Variants in USP32 observed in about 807,000 individuals in gnomAD.
USP32 encodes ubiquitin carboxyl-terminal hydrolase 32.
Under a neutral mutation model 204.8 loss-of-function variants are expected in USP32, and 59 were observed. That is an observed-to-expected ratio of 0.29 (90% CI 0.23 to 0.36). USP32 has a LOEUF of 0.36. USP32 is among the 10% of genes least tolerant of loss of function. The probability of loss-of-function intolerance (pLI) is 1.00; values close to 1 mark genes in which losing one functional copy is unlikely to be tolerated. For synonymous variants in USP32, 517 were observed against 678.4 expected (o/e 0.76, Z 3.70); for missense variants, 1,160 against 1,946.4 (o/e 0.60, Z 7.60).
chr17:60,227,246 G>A (rs111369805), intron 12 of USP32, among the ~76,000 whole-genome samples: 1 of 150,376 alleles, frequency 6.6e-6, no homozygotes, highest in Admixed American at 6.6e-5. Flanking sequence ...TCTGGCAAGC[G>A]ACACTAGTTT....
intron 1 of USP32, among the ~76,000 whole-genome samples, chr17:60,390,949 CTG>C (rs1567892737): frequency 1.3e-5 from 2 of 152,200 alleles, no homozygotes; most frequent in African/African-American, 2.4e-5. Context: ...CGGCCATAAA[CTG>C]TGCAACAAGA....
chr17:60,384,517 C>T (rs886736666), intron 1 of USP32, among the ~76,000 whole-genome samples: 26 of 152,178 alleles, frequency 1.7e-4, no homozygotes, highest in Admixed American at 1.4e-3. Flanking sequence ...CTAGGCCAGG[C>T]ACGGTGGCTC....
Position 60,192,889 on chromosome 17 carries a change from A to G in USP32, c.3476T>C (p.Val1159Ala). The G allele has an allele frequency of 6.2e-7, 1 of 1,613,980 alleles. No individual in the cohort carries two copies. Among genetic ancestry groups the G allele is most frequent in the South Asian group, 1.1e-5 (1 of 91,082 alleles). ...MGYQYPFTLR[V>A]VQKDGNSCAW... ...ACAGGAGTTCCCATCTTTCTGCACA[A>G]CTCGTAGAGTGAATGGATATTGATA... Residue 1159 changes from valine to alanine, a missense_variant, in exon 28 of 34, where the codon GTT (valine) becomes GCT (alanine). Val to Ala is a moderately conservative substitution (Grantham distance 64). Coordinates refer to ENST00000300896, the MANE Select transcript of USP32 (RefSeq NM_032582.4).
chr17:60,380,373 C>G (rs948460749), intron 1 of USP32, among the ~76,000 whole-genome samples: 10 of 152,046 alleles, frequency 6.6e-5, no homozygotes, highest in Non-Finnish European at 1.5e-4. Flanking sequence ...TCAAGACCAG[C>G]CGGGGCAACA....
At chr17:60,222,375 G>A (rs757539740) in intron 15 of USP32, 34 bp downstream of exon 15, 1 of 1,596,570 alleles carries the variant, frequency 6.3e-7, no homozygotes, top group Admixed American at 1.7e-5. Flanking sequence ...ATCTATGACT[G>A]CTCCTTATAT....
chr17:60,249,846 C>A, intron 11 of USP32: 1 of 609,746 alleles, frequency 1.6e-6, no homozygotes, highest in Admixed American at 2.7e-5. Context: ...CCAGAAATCA[C>A]GATACTTTTT....
At chr17:60,323,059 A>T (rs2088150649) in intron 2 of USP32, among the ~76,000 whole-genome samples, 1 of 152,220 alleles carries the variant, frequency 6.6e-6, no homozygotes, top group Non-Finnish European at 1.5e-5. Flanking sequence ...GAAATGTAAA[A>T]TGGGCAGCCA....
At chr17:60,269,693 G>T in intron 6 of USP32, 136 bp from the exon 7 acceptor site, 1 of 580,094 alleles carries the variant, frequency 1.7e-6, no homozygotes. Flanking sequence ...AGTTCCTAAT[G>T]TTTCAGGAAG....
At chr17:60,272,551 GGAGTA>G (rs2086747524) in intron 5 of USP32, among the ~76,000 whole-genome samples, 1 of 152,110 alleles carries the variant, frequency 6.6e-6, no homozygotes, top group African/African-American at 2.4e-5. Flanking sequence ...TGTCTATAAT[GGAGTA>G]ACTAGCACCA....
At chr17:60,258,587 T>C (rs1157104851) in intron 9 of USP32, among the ~76,000 whole-genome samples, 3 of 152,244 alleles carry the variant, frequency 2.0e-5, no homozygotes, top group Non-Finnish European at 4.4e-5. Flanking sequence ...TTGTAGGGTG[T>C]TGTATACTTA....
intron 26 of USP32, among the ~76,000 whole-genome samples, chr17:60,203,388 G>A (rs1377350288): frequency 9.4e-6 from 1 of 106,220 alleles, no homozygotes; most frequent in Non-Finnish European, 1.7e-5. Context: ...GCGACAGAGC[G>A]AGACTGTCAA....
chr17:60,278,813 C>T (rs763393825), intron 5 of USP32, among the ~76,000 whole-genome samples: 15 of 152,234 alleles, frequency 9.9e-5, no homozygotes, highest in Admixed American at 1.3e-4. Context: ...GGACTATTCA[C>T]GTACTACAGT....
At chr17:60,392,475 G>A, upstream of USP32, 1 of 236,214 alleles carries the variant, frequency 4.2e-6, no homozygotes, top group South Asian at 3.3e-5. Context: ...GGGCGCTTGA[G>A]GACGACCCCC....
At chr17:60,355,511 G>A (rs546837728) in intron 1 of USP32, among the ~76,000 whole-genome samples, 1 of 152,210 alleles carries the variant, frequency 6.6e-6, no homozygotes, top group Non-Finnish European at 1.5e-5. Flanking sequence ...AACTTTTTCA[G>A]AACTCTAGAA....
intron 1 of USP32, among the ~76,000 whole-genome samples, chr17:60,370,617 A>T (rs146260446): frequency 0.018 from 2,774 of 152,108 alleles, 77 homozygotes; most frequent in African/African-American, 0.062. Flanking sequence ...TACAAAAAAA[A>T]TTAGCTGGGC....
intron 1 of USP32, among the ~76,000 whole-genome samples, chr17:60,397,170 A>G (rs1252484094): frequency 2.0e-5 from 3 of 152,228 alleles, no homozygotes; most frequent in African/African-American, 7.2e-5. Flanking sequence ...TATGGACTCC[A>G]ACTTTGAACA....
chr17:60,231,365 C>T (rs1032317440), intron 12 of USP32, among the ~76,000 whole-genome samples: 1 of 152,192 alleles, frequency 6.6e-6, no homozygotes, highest in Non-Finnish European at 1.5e-5. Flanking sequence ...AGGCAGGACT[C>T]AGGACACTGA....
chr17:60,345,386 A>G, intron 2 of USP32, 95 bp downstream of exon 2: 1 of 1,508,188 alleles, frequency 6.6e-7, no homozygotes, highest in Non-Finnish European at 8.9e-7. Flanking sequence ...ACTACAGGTA[A>G]GATTAAATCT....
rs1195575372 is a variant in USP32, at chr17:60,294,693, C to T, written c.401G>A (p.Cys134Tyr). ...AATCTTTAACTATACCTCTGAGAAA[C>T]ACTTCCTGAGTGTATCTGGGACTTT... ...DGKVPDTLRKCFSEGEKVNYE... is the reference protein window; with the variant it reads ...DGKVPDTLRKYFSEGEKVNYE... Residue 134 changes from cysteine to tyrosine, a missense_variant, in exon 4 of 34, where the codon TGT becomes TAT. Cys to Tyr is a radical substitution (Grantham distance 194). Transcript: ENST00000300896. 6.2e-7 allele frequency: 1 copy of T among 1,602,720 alleles called. No individual in the cohort carries two copies. Among genetic ancestry groups the T allele is most frequent in the Admixed American group, 1.7e-5 (1 of 59,076 alleles).
Sources: gnomAD v4.1 joint callset for allele counts (sites outside exome capture counted in the v4.1 genomes callset) on GRCh38, gnomAD v4.1.1 for gene constraint, MANE v1.5 for transcripts, NCBI Gene and HGNC (gene_info 2026-07-23, HGNC 2026-07-21) for gene names.